The following RERE variants were observed in gnomAD, a reference collection of about 807,000 sequenced individuals.
RERE encodes the protein arginine-glutamic acid dipeptide repeats protein.
RERE carries 40 observed loss-of-function variants against 146.1 expected under a neutral mutation model. That is an observed-to-expected ratio of 0.27 (90% CI 0.21 to 0.36). RERE has a LOEUF of 0.36. RERE is among the 10% of genes least tolerant of loss of function. RERE has a pLI of 1.00. For missense variants in RERE, 1,933 were observed against 2,138.7 expected (o/e 0.90, Z 1.90); for synonymous variants, 1,003 against 866.0 (o/e 1.16, Z -2.78).
chr1:8,774,169 A>C (rs1641011057), intron 1 of RERE, among the ~76,000 whole-genome samples: 1 of 152,092 alleles, frequency 6.6e-6, no homozygotes, highest in South Asian at 2.1e-4. Context: ...CTCTAGCCAT[A>C]ATCACTAGCA....
chr1:8,704,318 T>A (rs143173805), intron 1 of RERE, among the ~76,000 whole-genome samples: 7 of 152,256 alleles, frequency 4.6e-5, no homozygotes, highest in African/African-American at 1.7e-4. Context: ...TGTATAGGAA[T>A]TTTTTAAATG....
intron 1 of RERE, among the ~76,000 whole-genome samples, chr1:8,735,133 TA>T (rs1640171583): frequency 6.6e-6 from 1 of 152,164 alleles, no homozygotes; most frequent in South Asian, 2.1e-4. Context: ...TTATTGACAG[TA>T]AAATCTATAA....
chr1:8,721,854 C>A (rs1027632924), intron 1 of RERE, among the ~76,000 whole-genome samples: 1 of 152,150 alleles, frequency 6.6e-6, no homozygotes, highest in East Asian at 1.9e-4. Flanking sequence ...ATAACATAAA[C>A]CCTTATCTCT....
chr1:8,580,339 C>T (rs773412862), intron 4 of RERE, among the ~76,000 whole-genome samples: 24 of 152,192 alleles, frequency 1.6e-4, no homozygotes, highest in Non-Finnish European at 3.4e-4. Flanking sequence ...TACCACATAA[C>T]TGGTCCATAT....
chr1:8,726,142 C>CTTTTTTTTTTTT (rs1348386294), intron 1 of RERE, among the ~76,000 whole-genome samples: 1 of 107,138 alleles, frequency 9.3e-6, no homozygotes, highest in African/African-American at 3.8e-5. Flanking sequence ...TTCCTTTTTT[C>CTTTTTTTTTTTT]TTTTCTTTTT....
chr1:8,568,580 CTCT>C (rs1468621943), intron 4 of RERE, among the ~76,000 whole-genome samples: 15 of 152,228 alleles, frequency 9.9e-5, no homozygotes, highest in Admixed American at 1.3e-4. Context: ...GGTTGGCTCT[CTCT>C]TGTGAGCCCT....
intron 2 of RERE, among the ~76,000 whole-genome samples, chr1:8,635,981 T>TC (rs1430466607): frequency 2.5e-3 from 103 of 41,182 alleles, no homozygotes; most frequent in African/African-American, 5.1e-3. Context: ...TCTTATCTTA[T>TC]TTTATTTTAT....
At chr1:8,773,650 CCT>C (rs1022347376) in intron 1 of RERE, among the ~76,000 whole-genome samples, 27 of 152,152 alleles carry the variant, frequency 1.8e-4, no homozygotes, top group African/African-American at 6.5e-4. Flanking sequence ...ACGGTGAAAC[CCT>C]GTCTCTACTA....
chr1:8,596,639 G>A (rs1646558257), intron 4 of RERE, among the ~76,000 whole-genome samples: 1 of 148,726 alleles, frequency 6.7e-6, no homozygotes, highest in South Asian at 2.1e-4. Context: ...CTCCCAAGTA[G>A]TTGGGACTAT....
chr1:8,562,584 G>A (rs1413575055), intron 4 of RERE, among the ~76,000 whole-genome samples: 1 of 152,074 alleles, frequency 6.6e-6, no homozygotes, highest in Non-Finnish European at 1.5e-5. Context: ...GACCTCCCAG[G>A]CTCAAGTGAT....
chr1:8,786,679 G>GT, intron 1 of RERE: 1 of 785,386 alleles, frequency 1.3e-6, no homozygotes, highest in Non-Finnish European at 2.3e-6. Context: ...GGCCAATTTG[G>GT]GTTCTGCAGG....
chr1:8,637,769 T>A (rs1315141806), intron 2 of RERE, among the ~76,000 whole-genome samples: 1 of 152,238 alleles, frequency 6.6e-6, no homozygotes, highest in African/African-American at 2.4e-5. Flanking sequence ...TAAAGTTACA[T>A]AAGGACATTT....
At chr1:8,730,425 C>A (rs570163195) in intron 1 of RERE, among the ~76,000 whole-genome samples, 52 of 152,254 alleles carry the variant, frequency 3.4e-4, no homozygotes, top group Admixed American at 1.4e-3. Context: ...TCACCGCGAG[C>A]TCCGCCTCCC....
intron 1 of RERE, among the ~76,000 whole-genome samples, chr1:8,702,672 G>T (rs959676069): frequency 1.3e-5 from 2 of 151,992 alleles, no homozygotes; most frequent in African/African-American, 4.8e-5. Context: ...ATCAAAGAGC[G>T]ACTTCTGCAT....
chr1:8,695,553 C>A (rs149072335), intron 1 of RERE, among the ~76,000 whole-genome samples: 1 of 127,780 alleles, frequency 7.8e-6, no homozygotes, highest in African/African-American at 3.0e-5. Flanking sequence ...AGTTTGAGAT[C>A]TGCCTGAACA....
intron 10 of RERE, among the ~76,000 whole-genome samples, chr1:8,481,173 G>A (rs1341699266): frequency 1.3e-5 from 2 of 152,192 alleles, no homozygotes; most frequent in Non-Finnish European, 2.9e-5. Context: ...CTGGAGTGCA[G>A]TGGCGCGATC....
At chr1:8,697,340 T>C (rs1297737812) in intron 1 of RERE, among the ~76,000 whole-genome samples, 1 of 151,800 alleles carries the variant, frequency 6.6e-6, no homozygotes, top group African/African-American at 2.4e-5. Flanking sequence ...ATTTAATCAA[T>C]TAATAAATAA....
At chr1:8,796,443 C>A (rs1259814811) in intron 1 of RERE, 1 of 152,004 alleles carries the variant, frequency 6.6e-6, no homozygotes, top group African/African-American at 2.4e-5. Flanking sequence ...AAAAAATCCA[C>A]TTTAATCAAA....
At chr1:8,510,557 A>G (rs1016794511) in intron 7 of RERE, among the ~76,000 whole-genome samples, 9 of 152,256 alleles carry the variant, frequency 5.9e-5, no homozygotes, top group African/African-American at 9.6e-5. Context: ...TAAAGGAATC[A>G]AATCAGCCAC....
Sources: gnomAD v4.1 joint callset for allele counts (sites outside exome capture counted in the v4.1 genomes callset) on GRCh38, gnomAD v4.1.1 for gene constraint, MANE v1.5 for transcripts, NCBI Gene and HGNC (gene_info 2026-07-23, HGNC 2026-07-21) for gene names.